Variants in ATP11A observed in about 807,000 individuals in gnomAD.
The protein encoded by ATP11A is phospholipid-transporting ATPase IH.
A neutral mutation model predicts 154.4 loss-of-function variants in ATP11A; 81 were observed. The ratio of observed to expected loss-of-function variants is 0.52; its 90% CI spans 0.44 to 0.63. The LOEUF (loss-of-function observed/expected upper bound fraction) is 0.63. ATP11A is among the 30% of genes least tolerant of loss of function. ATP11A has a pLI of 0.00. For missense variants in ATP11A, 1,316 were observed against 1,474.3 expected (o/e 0.89, Z 1.76); for synonymous variants, 623 against 585.9 (o/e 1.06, Z -0.91).
intron 9 of ATP11A, among the ~76,000 whole-genome samples, chr13:112,823,875 C>T (rs947168666): frequency 6.6e-6 from 1 of 152,182 alleles, no homozygotes; most frequent in Non-Finnish European, 1.5e-5. Flanking sequence ...CCAAAATCCA[C>T]GGATGCCCAA....
intron 1 of ATP11A, among the ~76,000 whole-genome samples, chr13:112,712,823 C>T (rs1229730726): frequency 1.3e-5 from 2 of 152,164 alleles, no homozygotes; most frequent in Non-Finnish European, 2.9e-5. Context: ...TTTTGGGACT[C>T]GGGGTTCAGT....
chr13:112,718,955 C>G (rs1002796807), intron 1 of ATP11A, among the ~76,000 whole-genome samples: 6 of 152,216 alleles, frequency 3.9e-5, no homozygotes, highest in Non-Finnish European at 8.8e-5. Flanking sequence ...GCCGGGATTA[C>G]AGGCGTGAGC....
intron 29 of ATP11A, among the ~76,000 whole-genome samples, chr13:112,879,717 A>G (rs536001254): frequency 6.6e-6 from 1 of 152,334 alleles, no homozygotes; most frequent in South Asian, 2.1e-4. Context: ...ACACGGGAAC[A>G]CGCCGTGGCG....
At chr13:112,709,782 G>A (rs1887533144) in intron 1 of ATP11A, among the ~76,000 whole-genome samples, 1 of 152,254 alleles carries the variant, frequency 6.6e-6, no homozygotes, top group Admixed American at 6.5e-5. Context: ...GACCACCTTG[G>A]ACACATGTTC....
chr13:112,805,493 T>C (rs2078294826), intron 3 of ATP11A, among the ~76,000 whole-genome samples: 2 of 152,140 alleles, frequency 1.3e-5, no homozygotes, highest in African/African-American at 4.8e-5. Context: ...CTGGCCAGCA[T>C]GGCTAAACCC....
intron 20 of ATP11A, 107 bp downstream of exon 20, chr13:112,856,192 C>A: frequency 8.7e-7 from 1 of 1,147,646 alleles, no homozygotes; most frequent in Admixed American, 2.7e-5. Flanking sequence ...AGCAGGGTAC[C>A]ACCTGTTAAA....
At chr13:112,826,442 C>A (rs936517970) in intron 11 of ATP11A, among the ~76,000 whole-genome samples, 1 of 152,174 alleles carries the variant, frequency 6.6e-6, no homozygotes, top group Non-Finnish European at 1.5e-5. Context: ...TGTCTTAACT[C>A]GTGATTTAAT....
At chr13:112,797,144 G>T (rs917121297) in intron 2 of ATP11A, among the ~76,000 whole-genome samples, 1 of 151,898 alleles carries the variant, frequency 6.6e-6, no homozygotes, top group Admixed American at 6.6e-5. Context: ...TTAGCCAGGT[G>T]TGGTGGCAGG....
intron 27 of ATP11A, 39 bp downstream of exon 27, chr13:112,873,715 C>G: frequency 6.4e-7 from 1 of 1,561,108 alleles, no homozygotes; most frequent in East Asian, 2.2e-5. Flanking sequence ...TGATAAATAT[C>G]ATGTGGTTGT....
At position 112,880,877 on chromosome 13, in the gene ATP11A, C is replaced by G. The variant is rs565827283; in HGVS notation, c.*10-999C>G. 1.4e-5 allele frequency: 14 copies of G among 1,027,444 alleles called. No homozygotes were observed. The South Asian group carries it at 4.1e-4, about 30-fold the overall frequency. 63.6% of individuals were successfully genotyped at this position (1,027,444 alleles called of 1,614,324 possible). ...CACACACACGTGTGCACACTCACCC[C>G]ACACGCACGGCACACAGCCTGACCA... is the stretch of plus-strand genomic sequence containing the variant. On this transcript the variant is annotated intron_variant, in intron 29 of 29. Transcript: ENST00000375645.
intron 20 of ATP11A, among the ~76,000 whole-genome samples, chr13:112,857,182 C>T (rs905287438): frequency 2.6e-5 from 4 of 152,162 alleles, no homozygotes; most frequent in East Asian, 1.9e-4. Context: ...AAGGCACCCA[C>T]GTTTCCCCCC....
At chr13:112,856,367 TA>T in intron 20 of ATP11A, 3 of 228,692 alleles carry the variant, frequency 1.3e-5, no homozygotes, top group Non-Finnish European at 8.3e-6. Context: ...AAAAAAAAGC[TA>T]TCTCAATCAC....
chr13:112,718,146 A>T (rs1888706760), intron 1 of ATP11A, among the ~76,000 whole-genome samples: 1 of 151,840 alleles, frequency 6.6e-6, no homozygotes, highest in Non-Finnish European at 1.5e-5. Context: ...CGTGAACAGG[A>T]GTTGTCTCTC....
intron 1 of ATP11A, among the ~76,000 whole-genome samples, chr13:112,710,558 C>G (rs1288543463): frequency 6.6e-6 from 1 of 152,194 alleles, no homozygotes. Context: ...AGACAGGGCT[C>G]CAGGAGGCGG....
rs1363828249 is a variant in ATP11A at position 112,783,835 on chromosome 13, G to C, written c.40-1300G>C. 3.9e-5 allele frequency among the ~76,000 whole-genome samples: 6 copies of C among 152,352 alleles called. No homozygotes were observed. The East Asian group carries it at 1.2e-3, about 29-fold the overall frequency. ...ACATCAAATGGCCCGCCTGAGTGTTGTTGAAATATTTCTTGTCAGAGCTGT... is the reference window on the plus strand; with the variant it reads ...ACATCAAATGGCCCGCCTGAGTGTTCTTGAAATATTTCTTGTCAGAGCTGT... On this transcript the variant is annotated intron_variant, in intron 1 of 29. Coordinates refer to ENST00000375645, the MANE Select transcript of ATP11A (RefSeq NM_015205.3).
At chr13:112,820,357 T>C (rs1174393698) in intron 8 of ATP11A, among the ~76,000 whole-genome samples, 1 of 152,246 alleles carries the variant, frequency 6.6e-6, no homozygotes, top group Non-Finnish European at 1.5e-5. Context: ...TGGGAATCTG[T>C]TCATCCACTC....
At chr13:112,740,372 C>T (rs1049599953) in intron 1 of ATP11A, among the ~76,000 whole-genome samples, 12 of 152,176 alleles carry the variant, frequency 7.9e-5, no homozygotes, top group Non-Finnish European at 1.5e-4. Context: ...CAGGGTTTCG[C>T]CATGTTGGCC....
In ATP11A at chr13:112,878,285, G is replaced by A. The variant is rs1388947488; in HGVS notation, c.3396G>A (p.Leu1132=). The A allele has an allele frequency of 6.8e-6, 11 of 1,614,006 alleles. No individual in the cohort carries two copies. Among genetic ancestry groups the A allele is most frequent in the Non-Finnish European group, 9.3e-6 (11 of 1,180,042 alleles). Residue 1132 remains leucine, a synonymous_variant, in exon 29 of 30, where the codon CTG becomes CTA. Transcript: ENST00000375645. ...TGCTTTCTCAGACTTCCAGCAGCCT[G>A]AGTTTCTGATGGAACAAGGTGATGC... ...IFMLSQTSSS[L]SF is the part of the protein sequence containing the mutation.
In ATP11A at chr13:112,743,508, G is replaced by A. The variant is rs572786104; in HGVS notation, c.40-41627G>A. 2.3e-4 allele frequency among the ~76,000 whole-genome samples: 34 copies of A among 150,860 alleles called. 1 individual carries two copies. The highest frequency in any genetic ancestry group is 2.0e-3 in the Admixed American group (31 of 15,154). On this transcript the variant is annotated intron_variant, in intron 1 of 29. Transcript: ENST00000375645. ...GTTGTAGGTTCCTGCTAGCGTTGAC[G>A]GCATAGGCAGGTGTTGTAGGTTCCT...
Sources: gnomAD v4.1 joint callset for allele counts (sites outside exome capture counted in the v4.1 genomes callset) on GRCh38, gnomAD v4.1.1 for gene constraint, MANE v1.5 for transcripts, NCBI Gene and HGNC (gene_info 2026-07-23, HGNC 2026-07-21) for gene names.